Variants in PLCB1 observed in about 807,000 individuals in gnomAD.
PLCB1 encodes phospholipase C beta 1, also known as 1-phosphatidylinositol 4,5-bisphosphate phosphodiesterase beta-1.
In PLCB1, 46 loss-of-function variants were observed where a neutral mutation model predicts 161.8. The ratio of observed to expected loss-of-function variants is 0.28; its 90% CI spans 0.22 to 0.36. The LOEUF (loss-of-function observed/expected upper bound fraction) is 0.36. Among genes scored for constraint, PLCB1 ranks in the 10% least tolerant of loss-of-function variants. PLCB1 has a pLI of 1.00. For synonymous variants in PLCB1, 517 were observed against 503.7 expected (o/e 1.03, Z -0.35); for missense variants, 1,016 against 1,472.5 (o/e 0.69, Z 5.07).
At chr20:8,850,156 T>G (rs1986839970) in intron 31 of PLCB1, among the ~76,000 whole-genome samples, 1 of 152,212 alleles carries the variant, frequency 6.6e-6, no homozygotes, top group South Asian at 2.1e-4. Flanking sequence ...ATTTCTTTTT[T>G]CTTGAGCAAA....
chr20:8,516,545 A>C (rs181373410), intron 3 of PLCB1, among the ~76,000 whole-genome samples: 10 of 151,844 alleles, frequency 6.6e-5, no homozygotes, highest in African/African-American at 2.4e-4. Context: ...TAATGTTGAA[A>C]GTCTCTGAGT....
chr20:8,736,377 G>T (rs1402456683), intron 19 of PLCB1, among the ~76,000 whole-genome samples: 1 of 152,226 alleles, frequency 6.6e-6, no homozygotes, highest in Non-Finnish European at 1.5e-5. Context: ...CACCTTGTGA[G>T]ATTAGGGGTA....
intron 2 of PLCB1, among the ~76,000 whole-genome samples, chr20:8,285,666 C>T (rs988962948): frequency 3.9e-5 from 6 of 152,024 alleles, no homozygotes; most frequent in African/African-American, 1.5e-4. Flanking sequence ...AGCAGCTACC[C>T]ACGGCATTAT....
chr20:8,294,644 T>G (rs1366328958), intron 2 of PLCB1, among the ~76,000 whole-genome samples: 1 of 150,356 alleles, frequency 6.7e-6, no homozygotes, highest in Non-Finnish European at 1.5e-5. Flanking sequence ...GCACAAGCAC[T>G]CCTGATAAGA....
At chr20:8,514,317 G>A (rs1052442004) in intron 3 of PLCB1, among the ~76,000 whole-genome samples, 2 of 152,058 alleles carry the variant, frequency 1.3e-5, no homozygotes, top group African/African-American at 2.4e-5. Flanking sequence ...GCGTGAGCCT[G>A]TAGTCCCAGC....
chr20:8,553,616 G>C (rs1985844978), intron 3 of PLCB1, among the ~76,000 whole-genome samples: 1 of 152,100 alleles, frequency 6.6e-6, no homozygotes, highest in Non-Finnish European at 1.5e-5. Context: ...GACAGCATTT[G>C]AGGTGTGGAA....
intron 2 of PLCB1, among the ~76,000 whole-genome samples, chr20:8,255,858 A>G (rs555932197): frequency 1.3e-5 from 2 of 152,224 alleles, no homozygotes; most frequent in South Asian, 2.1e-4. Flanking sequence ...TGACGTTTCA[A>G]TCAGCGACGA....
chr20:8,590,458 T>G (rs73895012), intron 3 of PLCB1, among the ~76,000 whole-genome samples: 9,402 of 152,210 alleles, frequency 0.062, 326 homozygotes, highest in Middle Eastern at 0.1. Flanking sequence ...GTAGTTTTTT[T>G]TTGTTGTTGT....
chr20:8,330,415 C>T (rs140720731), intron 2 of PLCB1, among the ~76,000 whole-genome samples: 3 of 152,258 alleles, frequency 2.0e-5, no homozygotes, highest in African/African-American at 4.8e-5. Flanking sequence ...ATTTTATAGC[C>T]GTAGAAGAGC....
At chr20:8,871,391 T>C (rs757134913) in intron 31 of PLCB1, among the ~76,000 whole-genome samples, 1 of 152,202 alleles carries the variant, frequency 6.6e-6, no homozygotes, top group Non-Finnish European at 1.5e-5. Context: ...AAAATAAGGA[T>C]AATACTAAAG....
At chr20:8,416,056 C>T (rs1029933183) in intron 3 of PLCB1, among the ~76,000 whole-genome samples, 3 of 152,178 alleles carry the variant, frequency 2.0e-5, no homozygotes, top group African/African-American at 7.2e-5. Flanking sequence ...CTCTGTCTCT[C>T]CCCTAGGGAA....
At chr20:8,250,657 G>A (rs1255079836) in intron 2 of PLCB1, among the ~76,000 whole-genome samples, 1 of 151,838 alleles carries the variant, frequency 6.6e-6, no homozygotes, top group African/African-American at 2.4e-5. Flanking sequence ...TACTCATAGT[G>A]CATTTAATCT....
intron 31 of PLCB1, among the ~76,000 whole-genome samples, chr20:8,878,152 G>T (rs1463757769): frequency 6.6e-6 from 1 of 152,170 alleles, no homozygotes; most frequent in African/African-American, 2.4e-5. Flanking sequence ...TAACCTGAGA[G>T]AAATTATCTG....
chr20:8,733,632 A>C lies in PLCB1; in HGVS notation c.2043+240A>C, dbSNP rs145785796. Among the ~76,000 whole-genome samples the C allele has an allele frequency of 8.1e-3, 1,196 of 146,914 alleles. 6 individuals are homozygous for C. Among genetic ancestry groups the C allele is most frequent in the Middle Eastern group, 0.017 (5 of 292 alleles). On this transcript the variant is annotated intron_variant, in intron 19 of 31. Transcript: ENST00000338037. ...GGAAGGGGAACATCACACTCTGGGG[A>C]CTGTTGTGGGGTGGGGGGAGCGGGG...
intron 31 of PLCB1, among the ~76,000 whole-genome samples, chr20:8,880,253 C>T (rs543351331): frequency 5.9e-5 from 9 of 152,204 alleles, no homozygotes; most frequent in African/African-American, 2.2e-4. Context: ...CTTTAAAATT[C>T]AAGGTTTTCT....
intron 2 of PLCB1, among the ~76,000 whole-genome samples, chr20:8,267,203 AG>A (rs1292165887): frequency 3.1e-5 from 3 of 95,326 alleles, no homozygotes; most frequent in Non-Finnish European, 6.2e-5. Flanking sequence ...TCATGCCTTA[AG>A]GGTTGATGTT....
chr20:8,375,559 A>G (rs1380727407), intron 3 of PLCB1, among the ~76,000 whole-genome samples: 1 of 151,912 alleles, frequency 6.6e-6, no homozygotes, highest in Non-Finnish European at 1.5e-5. Context: ...TGTAATTTTT[A>G]CTGTGGGCAA....
Position 8,881,667 on chromosome 20 carries a change from C to T in PLCB1, c.3469C>T (p.Leu1157=). The part of the protein sequence containing the change: ...EQEYQDKFKR[L]PLEILEFVQE... ...AGAATACCAAGACAAATTCAAAAGA[C>T]TGCCCCTCGAGATTTTGGAATTCGT... Residue 1157 remains leucine, a synonymous_variant, in exon 32 of 32, where the codon CTG becomes TTG. Coordinates refer to ENST00000338037, the MANE Select transcript of PLCB1 (RefSeq NM_015192.4). The T allele has an allele frequency of 6.2e-7, 1 of 1,614,092 alleles. No homozygotes were observed. Among genetic ancestry groups the T allele is most frequent in the Non-Finnish European group, 8.5e-7 (1 of 1,179,996 alleles).
chr20:8,347,380 C>T (rs1248022594), intron 2 of PLCB1, among the ~76,000 whole-genome samples: 1 of 152,128 alleles, frequency 6.6e-6, no homozygotes, highest in Non-Finnish European at 1.5e-5. Context: ...ACAGTGCTAG[C>T]TAACTAATAA....
Sources: gnomAD v4.1 joint callset for allele counts (sites outside exome capture counted in the v4.1 genomes callset) on GRCh38, gnomAD v4.1.1 for gene constraint, MANE v1.5 for transcripts, NCBI Gene and HGNC (gene_info 2026-07-23, HGNC 2026-07-21) for gene names.